The following SMAP1 variants were observed in gnomAD, a reference collection of about 807,000 sequenced individuals.
SMAP1 encodes the protein stromal membrane-associated protein 1.
SMAP1 carries 24 observed loss-of-function variants against 58.5 expected under a neutral mutation model. The ratio of observed to expected loss-of-function variants is 0.41; its 90% CI spans 0.30 to 0.58. The LOEUF is 0.58. SMAP1 is among the 20% of genes least tolerant of loss of function. The probability of loss-of-function intolerance (pLI) is 0.29; values close to 1 mark genes in which losing one functional copy is unlikely to be tolerated. For missense variants in SMAP1, 563 were observed against 566.3 expected (o/e 0.99, Z 0.06); for synonymous variants, 216 against 196.6 (o/e 1.10, Z -0.82).
intron 6 of SMAP1, among the ~76,000 whole-genome samples, chr6:70,824,054 G>A (rs765718669): frequency 1.3e-5 from 2 of 151,902 alleles, no homozygotes; most frequent in African/African-American, 4.8e-5. Context: ...TCCTACCTTG[G>A]GACTGGGTTT....
intron 4 of SMAP1, among the ~76,000 whole-genome samples, chr6:70,788,830 G>A (rs1402259919): frequency 1.3e-5 from 2 of 152,158 alleles, no homozygotes; most frequent in African/African-American, 2.4e-5. Flanking sequence ...AAACTATTCA[G>A]GCCTTCTAAG....
chr6:70,780,972 A>G lies in SMAP1; in HGVS notation c.414+7547A>G, dbSNP rs139213646. Reference sequence around the variant, plus strand: ...CTATTCTTATTAGGGTGCCTAGCACATAACCACTTGCAATATAAGCTATTG... The same window carrying G: ...CTATTCTTATTAGGGTGCCTAGCACGTAACCACTTGCAATATAAGCTATTG... On this transcript the variant is annotated intron_variant, in intron 4 of 10. Coordinates refer to ENST00000370455, the MANE Select transcript of SMAP1 (RefSeq NM_001044305.3). Among the ~76,000 whole-genome samples the G allele has an allele frequency of 6.6e-4, 100 of 152,376 alleles. 1 individual carries two copies. The East Asian group carries it at 0.018, about 28-fold the overall frequency.
chr6:70,844,185 T>C (rs1770904484), intron 7 of SMAP1, among the ~76,000 whole-genome samples: 1 of 152,244 alleles, frequency 6.6e-6, no homozygotes, highest in Non-Finnish European at 1.5e-5. Context: ...TGGTTTCATA[T>C]TTATATATTT....
intron 5 of SMAP1, among the ~76,000 whole-genome samples, chr6:70,793,697 T>C (rs1418747228): frequency 2.0e-5 from 3 of 151,708 alleles, no homozygotes; most frequent in Non-Finnish European, 4.4e-5. Flanking sequence ...TTGGAAACTA[T>C]GTCTTTATTT....
intron 7 of SMAP1, among the ~76,000 whole-genome samples, chr6:70,843,287 C>A (rs934280573): frequency 6.6e-6 from 1 of 151,972 alleles, no homozygotes; most frequent in African/African-American, 2.4e-5. Flanking sequence ...ATGCCAAAGT[C>A]TAATTTCAGC....
intron 1 of SMAP1, among the ~76,000 whole-genome samples, chr6:70,672,960 G>A (rs1766329168): frequency 6.6e-6 from 1 of 151,928 alleles, no homozygotes; most frequent in Non-Finnish European, 1.5e-5. Flanking sequence ...GATCAGTTTT[G>A]GTAGTCTCAG....
At chr6:70,777,862 C>T (rs1425125785) in intron 4 of SMAP1, among the ~76,000 whole-genome samples, 2 of 152,028 alleles carry the variant, frequency 1.3e-5, no homozygotes, top group South Asian at 2.1e-4. Context: ...AAGTGATTCT[C>T]CTGCCTCAGT....
intron 1 of SMAP1, among the ~76,000 whole-genome samples, chr6:70,708,659 A>G (rs1767936447): frequency 6.6e-6 from 1 of 152,160 alleles, no homozygotes; most frequent in Non-Finnish European, 1.5e-5. Context: ...TAGCCTTCTT[A>G]ACAGGTGTGA....
intron 3 of SMAP1, among the ~76,000 whole-genome samples, chr6:70,761,895 A>G (rs954344994): frequency 1.3e-5 from 2 of 152,108 alleles, no homozygotes; most frequent in Non-Finnish European, 2.9e-5. Context: ...TGCTTTATGT[A>G]TATCTTAATC....
chr6:70,763,784 A>C (rs1766852053), intron 3 of SMAP1, among the ~76,000 whole-genome samples: 2 of 152,258 alleles, frequency 1.3e-5, no homozygotes, highest in South Asian at 2.1e-4. Flanking sequence ...AACCAGCCAC[A>C]ACATTTCCTT....
rs117599795 is a variant in SMAP1 at position 70,817,457 on chromosome 6, T to C, written c.576+18720T>C. The stretch of plus-strand genomic sequence containing the variant: ...CAGTGATACAAAATAGAGTCTTCTT[T>C]TCTGCAAGCTCTTATCCATTGCTTT... On this transcript the variant is annotated intron_variant, in intron 6 of 10. Coordinates refer to ENST00000370455, the MANE Select transcript of SMAP1 (RefSeq NM_001044305.3). 3.7e-4 allele frequency among the ~76,000 whole-genome samples: 56 copies of C among 152,278 alleles called. No individual in the cohort carries two copies. The East Asian group carries it at 9.1e-3, about 25-fold the overall frequency.
intron 6 of SMAP1, among the ~76,000 whole-genome samples, chr6:70,806,127 G>A (rs1349706741): frequency 1.3e-5 from 2 of 152,220 alleles, no homozygotes; most frequent in Non-Finnish European, 2.9e-5. Flanking sequence ...GGAGTCTATA[G>A]AGGCAGTGAG....
chr6:70,762,191 C>T (rs1337976374), intron 3 of SMAP1, among the ~76,000 whole-genome samples: 1 of 152,068 alleles, frequency 6.6e-6, no homozygotes, highest in Non-Finnish European at 1.5e-5. Flanking sequence ...TGTTCTTTGC[C>T]CTCTAGTACT....
intron 6 of SMAP1, among the ~76,000 whole-genome samples, chr6:70,807,559 G>T (rs1339005740): frequency 6.6e-6 from 1 of 152,182 alleles, no homozygotes; most frequent in East Asian, 1.9e-4. Flanking sequence ...TGTAGATGAG[G>T]AGTACTCTAT....
rs533332172 is a variant in SMAP1, at chr6:70,814,190, C to G, written c.576+15453C>G. Among the ~76,000 whole-genome samples, 6 of 152,242 alleles carry G rather than the reference C, an allele frequency of 3.9e-5. No individual in the cohort carries two copies. In the South Asian group the frequency reaches 1.0e-3, roughly 26 times the overall value. On this transcript the variant is annotated intron_variant, in intron 6 of 10. Coordinates refer to ENST00000370455, the MANE Select transcript of SMAP1 (RefSeq NM_001044305.3). ...TGCCTCTTTCCTAGGTTTATGGCCT[C>G]CTACTATCAGCCTGGACCCATTACT...
intron 6 of SMAP1, among the ~76,000 whole-genome samples, chr6:70,814,737 G>A (rs906835029): frequency 2.0e-5 from 3 of 152,262 alleles, no homozygotes; most frequent in African/African-American, 7.2e-5. Flanking sequence ...GACTTGAAGA[G>A]TGAGGCTGAA....
intron 6 of SMAP1, among the ~76,000 whole-genome samples, chr6:70,816,056 G>A (rs962618443): frequency 1.3e-5 from 2 of 152,144 alleles, no homozygotes; most frequent in Non-Finnish European, 2.9e-5. Context: ...AGGAGACAGA[G>A]TGTGGAGGTT....
chr6:70,720,883 AG>A (rs1451063525), intron 1 of SMAP1, among the ~76,000 whole-genome samples: 3 of 152,052 alleles, frequency 2.0e-5, no homozygotes, highest in Admixed American at 6.6e-5. Flanking sequence ...CTGTGATGGG[AG>A]GGGCTGCTGT....
At chr6:70,671,243 A>G (rs1766251580) in intron 1 of SMAP1, among the ~76,000 whole-genome samples, 1 of 151,752 alleles carries the variant, frequency 6.6e-6, no homozygotes. Context: ...CTTGTGTTGG[A>G]CATCAGGAGT....
Sources: gnomAD v4.1 joint callset for allele counts (sites outside exome capture counted in the v4.1 genomes callset) on GRCh38, gnomAD v4.1.1 for gene constraint, MANE v1.5 for transcripts, NCBI Gene and HGNC (gene_info 2026-07-23, HGNC 2026-07-21) for gene names.